Variants in TGFA observed in about 807,000 individuals in gnomAD.
The protein encoded by TGFA is protransforming growth factor alpha.
A neutral mutation model predicts 21.7 loss-of-function variants in TGFA; 12 were observed. The observed-to-expected ratio is 0.55, with a 90% CI of 0.35 to 0.90. The LOEUF is 0.90. Ranked by LOEUF, TGFA falls within the 40% of genes least tolerant of loss-of-function variation. The pLI is 0.01. For missense variants in TGFA, 178 were observed against 210.8 expected, an observed-to-expected ratio of 0.84 and a Z score of 0.96; for synonymous variants, 79 against 88.1, an observed-to-expected ratio of 0.90 and a Z score of 0.58.
intron 2 of TGFA, among the ~76,000 whole-genome samples, chr2:70,508,394 A>G (rs1553500516): frequency 6.6e-6 from 1 of 152,230 alleles, no homozygotes; most frequent in African/African-American, 2.4e-5. Context: ...GCAGTGAGCC[A>G]AGATTGCACC....
At chr2:70,481,927 A>G (rs1343002200) in intron 2 of TGFA, among the ~76,000 whole-genome samples, 1 of 152,194 alleles carries the variant, frequency 6.6e-6, no homozygotes, top group Non-Finnish European at 1.5e-5. Context: ...ACCCTGACCC[A>G]GAACCTCCCA....
chr2:70,501,515 AAGAG>A (rs1308661397), intron 2 of TGFA, among the ~76,000 whole-genome samples: 1 of 152,152 alleles, frequency 6.6e-6, no homozygotes, highest in African/African-American at 2.4e-5. Flanking sequence ...TTAAACAAGA[AAGAG>A]AGAAAGTCAA....
rs3771519 is a variant in TGFA, at chr2:70,459,369, C to T, written c.216-2881G>A. Among the ~76,000 whole-genome samples the T allele has an allele frequency of 1.6e-3, 243 of 152,304 alleles. 6 individuals carry two copies. The East Asian group carries it at 0.022, about 14-fold the overall frequency. ...CAATCACAACTGACCTGTGAGGTTG[C>T]GACTATTATTTACCTTGTTTGACAG... is the stretch of plus-strand genomic sequence containing the variant. On this transcript the variant is annotated intron_variant, in intron 3 of 5. Transcript: ENST00000295400.
chr2:70,547,771 AT>A (rs1673355904), intron 1 of TGFA, among the ~76,000 whole-genome samples: 1 of 147,794 alleles, frequency 6.8e-6, no homozygotes, highest in African/African-American at 2.5e-5. Context: ...TATATATGCT[AT>A]ATATGTAATA....
intron 1 of TGFA, among the ~76,000 whole-genome samples, chr2:70,523,398 T>C (rs896803873): frequency 2.6e-5 from 4 of 152,182 alleles, no homozygotes; most frequent in Non-Finnish European, 4.4e-5. Context: ...ATCCAGATGA[T>C]TGAAGCAAAC....
At chr2:70,492,799 T>C (rs1331753177) in intron 2 of TGFA, among the ~76,000 whole-genome samples, 3 of 152,222 alleles carry the variant, frequency 2.0e-5, no homozygotes, top group African/African-American at 7.2e-5. Context: ...CCCTTTTACA[T>C]GTTTCTTAAT....
intron 3 of TGFA, 22 bp downstream of exon 3, chr2:70,465,594 C>T (rs1553492041): frequency 6.2e-7 from 1 of 1,613,952 alleles, no homozygotes; most frequent in Non-Finnish European, 8.5e-7. Flanking sequence ...CCCAGATCTC[C>T]AGGAGAACAG....
intron 5 of TGFA, chr2:70,451,679 A>T: frequency 2.9e-6 from 2 of 679,540 alleles, no homozygotes; most frequent in South Asian, 3.1e-5. Flanking sequence ...TTCTTAAAAG[A>T]TTAAAAACAT....
chr2:70,469,164 G>A (rs537969264), intron 2 of TGFA, among the ~76,000 whole-genome samples: 1 of 152,258 alleles, frequency 6.6e-6, no homozygotes, highest in African/African-American at 2.4e-5. Context: ...ATTCCCCTGA[G>A]TTTGCCTGCC....
chr2:70,492,334 G>C (rs1671460585), intron 2 of TGFA, among the ~76,000 whole-genome samples: 1 of 152,198 alleles, frequency 6.6e-6, no homozygotes, highest in African/African-American at 2.4e-5. Context: ...CTCTAGAGCA[G>C]GAATTAATGG....
intron 1 of TGFA, among the ~76,000 whole-genome samples, chr2:70,521,797 T>G (rs1413030634): frequency 1.3e-5 from 2 of 151,960 alleles, no homozygotes; most frequent in African/African-American, 4.8e-5. Flanking sequence ...GTAGTTTTAG[T>G]AGAGACGGGG....
At chr2:70,517,957 C>T (rs7560585) in intron 1 of TGFA, among the ~76,000 whole-genome samples, 12,051 of 152,342 alleles carry the variant, frequency 0.079, 549 homozygotes, top group African/African-American at 0.12. Flanking sequence ...TCTGGCCACA[C>T]GACTGTGCTT....
intron 1 of TGFA, among the ~76,000 whole-genome samples, chr2:70,535,095 G>T (rs1482958465): frequency 1.3e-5 from 2 of 152,090 alleles, no homozygotes; most frequent in Admixed American, 6.5e-5. Context: ...TTGCTAGGTG[G>T]GTTAAAGGAG....
chr2:70,521,609 G>GTTGTTTTTTTTT (rs1432347684), intron 1 of TGFA, among the ~76,000 whole-genome samples: 7 of 78,890 alleles, frequency 8.9e-5, no homozygotes, highest in Admixed American at 1.8e-4. Context: ...TTTTGTTGTT[G>GTTGTTTTTTTTT]TTTGTTTGTT....
At chr2:70,498,913 T>C (rs1056720051) in intron 2 of TGFA, among the ~76,000 whole-genome samples, 6 of 152,160 alleles carry the variant, frequency 3.9e-5, no homozygotes, top group African/African-American at 7.2e-5. Flanking sequence ...CCTGGCTGCA[T>C]ACTAGAATCT....
chr2:70,498,443 T>A (rs1466731977), intron 2 of TGFA, among the ~76,000 whole-genome samples: 2 of 152,188 alleles, frequency 1.3e-5, no homozygotes, highest in African/African-American at 4.8e-5. Context: ...CAGTTTCAGA[T>A]TAACAGAGAG....
At position 70,529,597 on chromosome 2, in the gene TGFA, C is replaced by A. The variant is rs540162689; in HGVS notation, c.41-14685G>T. ...GGTCCTGAGGAGTGAATCCCCCCGC[C>A]CCAGTCCTAGAAAAGAGCAGGTGGC... On this transcript the variant is annotated intron_variant, in intron 1 of 5. Transcript: ENST00000295400. Among the ~76,000 whole-genome samples the A allele has an allele frequency of 7.2e-3, 1,088 of 151,788 alleles. 16 individuals are homozygous for A. The highest frequency in any genetic ancestry group is 0.025 in the African/African-American group (1,018 of 41,314).
At chr2:70,513,005 C>A (rs1471961459) in intron 2 of TGFA, among the ~76,000 whole-genome samples, 2 of 152,200 alleles carry the variant, frequency 1.3e-5, no homozygotes, top group Non-Finnish European at 2.9e-5. Context: ...TCCATCTCCC[C>A]CTTCTGGCTT....
chr2:70,546,825 G>C (rs1259492516), intron 1 of TGFA, among the ~76,000 whole-genome samples: 1 of 152,062 alleles, frequency 6.6e-6, no homozygotes, highest in Admixed American at 6.6e-5. Context: ...AAAGGGCTGG[G>C]ATTACAGGTG....
Sources: gnomAD v4.1 joint callset for allele counts (sites outside exome capture counted in the v4.1 genomes callset) on GRCh38, gnomAD v4.1.1 for gene constraint, MANE v1.5 for transcripts, NCBI Gene and HGNC (gene_info 2026-07-23, HGNC 2026-07-21) for gene names.